Variants in PRKCH observed in about 807,000 individuals in gnomAD.
PRKCH encodes the protein protein kinase C eta.
In PRKCH, 28 loss-of-function variants were observed where a neutral mutation model predicts 82.5. That is an observed-to-expected ratio of 0.34 (90% CI 0.25 to 0.47). The LOEUF is 0.47. Among genes scored for constraint, PRKCH ranks in the 20% least tolerant of loss-of-function variants. The probability of loss-of-function intolerance (pLI) is 1.00; values close to 1 mark genes in which losing one functional copy is unlikely to be tolerated. For synonymous variants in PRKCH, 322 were observed against 327.4 expected (o/e 0.98, Z 0.18); for missense variants, 705 against 881.8 (o/e 0.80, Z 2.54).
chr14:61,212,751 C>A (rs2044591960), intron 1 of PRKCH, among the ~76,000 whole-genome samples: 1 of 152,206 alleles, frequency 6.6e-6, no homozygotes, highest in Non-Finnish European at 1.5e-5. Flanking sequence ...TAAGTTGCAA[C>A]TCCTGTCCTT....
chr14:61,519,127 T>G (rs1594781074), intron 10 of PRKCH, among the ~76,000 whole-genome samples: 1 of 151,984 alleles, frequency 6.6e-6, no homozygotes, highest in Admixed American at 6.6e-5. Context: ...TACAAAAAAT[T>G]TAAAGATTAG....
At position 61,280,120 on chromosome 14, in the gene PRKCH, T is replaced by C. The variant is rs1475102648; in HGVS notation, c.-19+92452T>C. ...CTCCTCGTCGTCGTCGTCCTGGTCC[T>C]GGTAGCGAATGTAGACGACCAGCAT... On this transcript the variant is annotated intron_variant, in intron 1 of 3. Coordinates refer to the PRKCH transcript ENST00000555185. The surrounding 1 kb of genome is among the most constrained non-coding windows in gnomAD (Gnocchi z 5.0). 1 of 1,613,490 alleles carries C rather than the reference T, an allele frequency of 6.2e-7. No homozygotes were observed. Among genetic ancestry groups the C allele is most frequent in the Non-Finnish European group, 8.5e-7 (1 of 1,179,708 alleles).
intron 1 of PRKCH, among the ~76,000 whole-genome samples, chr14:61,330,283 G>A (rs1218135951): frequency 6.6e-6 from 1 of 152,212 alleles, no homozygotes; most frequent in African/African-American, 2.4e-5. Context: ...AAATGACTGT[G>A]AACAGTCTTT....
chr14:61,359,240 C>T (rs1012654416), intron 1 of PRKCH, among the ~76,000 whole-genome samples: 17 of 152,198 alleles, frequency 1.1e-4, no homozygotes, highest in African/African-American at 4.1e-4. Flanking sequence ...TGGGGCAGTG[C>T]TGCGTATCAG....
intron 1 of PRKCH, chr14:61,277,631 T>C (rs1182974830): frequency 6.6e-6 from 1 of 152,230 alleles, no homozygotes; most frequent in Non-Finnish European, 1.5e-5. Flanking sequence ...AAATATCCAA[T>C]AAATAATTGC....
intron 1 of PRKCH, among the ~76,000 whole-genome samples, chr14:61,204,432 G>A (rs1323515866): frequency 6.6e-6 from 1 of 152,142 alleles, no homozygotes; most frequent in Non-Finnish European, 1.5e-5. Context: ...AAGGGAAAGA[G>A]TAAGAGCAGG....
intron 9 of PRKCH, among the ~76,000 whole-genome samples, chr14:61,471,103 A>G (rs543794672): frequency 6.6e-6 from 1 of 152,368 alleles, no homozygotes; most frequent in Admixed American, 6.5e-5. Context: ...TAGGGAACAA[A>G]TATGTCATAG....
intron 10 of PRKCH, among the ~76,000 whole-genome samples, chr14:61,510,765 T>C (rs1046905943): frequency 9.9e-5 from 15 of 152,064 alleles, no homozygotes; most frequent in Non-Finnish European, 2.1e-4. Flanking sequence ...ACTGGGCAGA[T>C]TGGGCCCTGA....
intron 1 of PRKCH, chr14:61,281,198 G>A: frequency 8.6e-7 from 1 of 1,162,332 alleles, no homozygotes; most frequent in South Asian, 3.7e-5. Context: ...GGGCCCCGCC[G>A]CGGGGCGCCT....
intron 1 of PRKCH, among the ~76,000 whole-genome samples, chr14:61,201,606 G>A (rs1196757490): frequency 6.6e-6 from 1 of 151,852 alleles, no homozygotes; most frequent in African/African-American, 2.4e-5. Flanking sequence ...GGGAACAAAA[G>A]GAAAAGAACA....
In PRKCH at chr14:61,530,482, G is replaced by C; in HGVS notation, c.1648G>C (p.Gly550Arg). Residue 550 changes from glycine (G) to arginine (R), a missense_variant, in exon 12 of 14, where the codon GGT becomes CGT. Physicochemically the swap from Gly to Arg is moderately radical, Grantham distance 125. Coordinates refer to ENST00000332981, the MANE Select transcript of PRKCH (RefSeq NM_006255.5). ...MGVLLYEMLC[G>R]HAPFEAENED... is the part of the protein sequence containing the mutation. ...CGTGTTGCTCTATGAGATGCTCTGT[G>C]GTCACGCGCCTTTTGAGGCAGAGAA... The C allele has an allele frequency of 1.2e-6, 2 of 1,612,520 alleles. No individual in the cohort carries two copies. The highest frequency in any genetic ancestry group is 1.7e-6 in the Non-Finnish European group (2 of 1,179,276).
At chr14:61,502,054 TCTTTTCTTTTC>T (rs772061733) in intron 10 of PRKCH, among the ~76,000 whole-genome samples, 57 of 98,628 alleles carry the variant, frequency 5.8e-4, no homozygotes, top group Non-Finnish European at 7.9e-4. Flanking sequence ...TCTTTTCTTT[TCTTTTCTTTTC>T]TTTTTTTTTT....
chr14:61,431,409 C>T (rs1173045733), intron 2 of PRKCH, among the ~76,000 whole-genome samples: 1 of 152,204 alleles, frequency 6.6e-6, no homozygotes, highest in Non-Finnish European at 1.5e-5. Flanking sequence ...TCCACGTGTA[C>T]TTTGCTTCCT....
intron 1 of PRKCH, among the ~76,000 whole-genome samples, chr14:61,197,885 C>G (rs1021857995): frequency 6.6e-6 from 1 of 152,174 alleles, no homozygotes; most frequent in African/African-American, 2.4e-5. Flanking sequence ...TGTCTTCCAA[C>G]TGTAGATAAT....
chr14:61,413,394 T>C lies in PRKCH; in HGVS notation c.427+22106T>C, dbSNP rs903722533. 6.9e-5 allele frequency among the ~76,000 whole-genome samples: 9 copies of C among 131,216 alleles called. 1 individual carries two copies. The highest frequency in any genetic ancestry group is 1.3e-4 in the Non-Finnish European group (8 of 62,090). 86.1% of individuals were successfully genotyped at this position (131,216 alleles called of 152,430 possible). On this transcript the variant is annotated intron_variant, in intron 2 of 13. Transcript: ENST00000332981. ...CAGTGATGACAACCTTCATCATTTC[T>C]TTTTAAGCGCCCCCCCCCCGCCCCG...
chr14:61,349,823 TG>T (rs2046047522), intron 1 of PRKCH, among the ~76,000 whole-genome samples: 2 of 152,092 alleles, frequency 1.3e-5, no homozygotes, highest in African/African-American at 4.8e-5. Context: ...ATCATGCCAC[TG>T]CCCTCCAGCC....
intron 1 of PRKCH, among the ~76,000 whole-genome samples, chr14:61,246,457 A>C (rs763928567): frequency 1.8e-4 from 28 of 152,030 alleles, no homozygotes; most frequent in Non-Finnish European, 3.2e-4. Flanking sequence ...AATCATCATG[A>C]ATCCATGCCC....
intron 1 of PRKCH, among the ~76,000 whole-genome samples, chr14:61,362,565 A>G (rs750992121): frequency 1.3e-5 from 2 of 152,196 alleles, no homozygotes; most frequent in Non-Finnish European, 2.9e-5. Flanking sequence ...CACATACATT[A>G]TTACATATTT....
At chr14:61,440,646 C>T (rs1010762540) in intron 2 of PRKCH, among the ~76,000 whole-genome samples, 10 of 152,224 alleles carry the variant, frequency 6.6e-5, no homozygotes, top group Middle Eastern at 3.4e-3. Flanking sequence ...GAGGCTGAGG[C>T]GGGTGGATCA....
Sources: gnomAD v4.1 joint callset for allele counts (sites outside exome capture counted in the v4.1 genomes callset) on GRCh38, gnomAD v4.1.1 for gene constraint, Gnocchi (gnomAD v3.1) non-coding constraint, MANE v1.5 for transcripts, NCBI Gene and HGNC (gene_info 2026-07-23, HGNC 2026-07-21) for gene names.